The following NUP133 variants were observed in gnomAD, a reference collection of about 807,000 sequenced individuals.
The protein encoded by NUP133 is nucleoporin 133.
NUP133 carries 66 observed loss-of-function variants against 146.2 expected under a neutral mutation model. The observed-to-expected ratio is 0.45, with a 90% CI of 0.37 to 0.55. NUP133 has a LOEUF of 0.55. NUP133 is among the 20% of genes least tolerant of loss of function. The pLI is 0.00. For missense variants in NUP133, 1,277 were observed against 1,374.8 expected, an observed-to-expected ratio of 0.93 and a Z score of 1.12; for synonymous variants, 521 against 498.8, an observed-to-expected ratio of 1.04 and a Z score of -0.59.
chr1:229,470,756 T>C lies in NUP133; in HGVS notation c.1900A>G (p.Met634Val). Residue 634 changes from methionine to valine, a missense_variant, in exon 15 of 26, where the codon ATG becomes GTG. Transcript: ENST00000261396. Reference sequence around the variant, plus strand: ...TCACAGAGCAACAGTCGAGTGGCCATCGGTGTCCCTCTAACTGGAAAACTG... The same window carrying C: ...TCACAGAGCAACAGTCGAGTGGCCACCGGTGTCCCTCTAACTGGAAAACTG... ...LGSFPVRGTP[M>V]ATRLLLCEHA... The C allele has an allele frequency of 1.2e-6, 2 of 1,614,172 alleles. No individual in the cohort carries two copies. The highest frequency in any genetic ancestry group is 1.7e-6 in the Non-Finnish European group (2 of 1,180,036).
chr1:229,497,183 C>T (rs1047535332), intron 6 of NUP133, among the ~76,000 whole-genome samples: 2 of 152,002 alleles, frequency 1.3e-5, no homozygotes, highest in Non-Finnish European at 2.9e-5. Context: ...GGCATAACAT[C>T]AAAAGCAGAA....
intron 25 of NUP133, among the ~76,000 whole-genome samples, chr1:229,442,455 G>A (rs1660204893): frequency 3.3e-5 from 5 of 152,098 alleles, no homozygotes; most frequent in Admixed American, 3.3e-4. Context: ...AATTAGATAG[G>A]CAAAAGAATC....
intron 23 of NUP133, among the ~76,000 whole-genome samples, chr1:229,450,026 C>T (rs528519687): frequency 1.3e-3 from 201 of 149,230 alleles, no homozygotes; most frequent in African/African-American, 4.4e-3. Context: ...TACAGGCGTG[C>T]GCCACCATAC....
intron 14 of NUP133, among the ~76,000 whole-genome samples, 183 bp downstream of exon 14, chr1:229,475,455 T>A (rs1004599083): frequency 6.6e-6 from 1 of 152,224 alleles, no homozygotes; most frequent in Non-Finnish European, 1.5e-5. Flanking sequence ...CTGCTTCTTA[T>A]ACCTGGATTA....
chr1:229,459,676 T>A (rs1255402181), intron 20 of NUP133, among the ~76,000 whole-genome samples: 1 of 152,220 alleles, frequency 6.6e-6, no homozygotes, highest in Admixed American at 6.5e-5. Flanking sequence ...ATCAATGCTG[T>A]TGCAAATGAG....
intron 11 of NUP133, 71 bp from the exon 12 acceptor site, chr1:229,484,216 C>A: frequency 1.9e-6 from 2 of 1,077,786 alleles, no homozygotes; most frequent in Non-Finnish European, 2.8e-6. Flanking sequence ...CTAAAAACTG[C>A]ACCCATCCTA....
chr1:229,445,338 G>A (rs540613520), intron 24 of NUP133, among the ~76,000 whole-genome samples: 1 of 152,270 alleles, frequency 6.6e-6, no homozygotes, highest in South Asian at 2.1e-4. Flanking sequence ...TCTTTCTGAA[G>A]AAAATTCTAT....
intron 14 of NUP133, 21 bp from the exon 15 acceptor site, chr1:229,470,825 T>C (rs1201656250): frequency 5.0e-6 from 8 of 1,603,738 alleles, no homozygotes; most frequent in Non-Finnish European, 6.8e-6. Flanking sequence ...GGCAAACACA[T>C]ATTCTCAGAA....
intron 13 of NUP133, 48 bp downstream of exon 13, chr1:229,477,549 A>G: frequency 6.8e-7 from 1 of 1,469,442 alleles, no homozygotes; most frequent in Non-Finnish European, 9.2e-7. Flanking sequence ...TAATAAAGAA[A>G]CCAGAATATG....
intron 2 of NUP133, 77 bp downstream of exon 2, chr1:229,505,963 C>T (rs1316085170): frequency 1.2e-6 from 1 of 833,614 alleles, no homozygotes; most frequent in Non-Finnish European, 2.0e-6. Context: ...CTAGAGAAAA[C>T]ATAAATTTAA....
At chr1:229,466,225 C>G (rs978260093) in intron 16 of NUP133, among the ~76,000 whole-genome samples, 3 of 152,030 alleles carry the variant, frequency 2.0e-5, no homozygotes, top group Admixed American at 2.0e-4. Context: ...AATCCCAACA[C>G]TCTTGGAGGT....
At chr1:229,459,518 T>C (rs1660646372) in intron 20 of NUP133, among the ~76,000 whole-genome samples, 1 of 152,186 alleles carries the variant, frequency 6.6e-6, no homozygotes, top group Admixed American at 6.6e-5. Context: ...TGTATGTGTG[T>C]ACCTGTGTGT....
Position 229,450,716 on chromosome 1 carries a change from T to G in NUP133, c.3100-111A>C, listed in dbSNP as rs1337630141. 1.2e-5 allele frequency: 5 copies of G among 425,036 alleles called. No homozygotes were observed. In the Admixed American group the frequency reaches 2.6e-4, roughly 22 times the overall value. 26.3% of individuals were successfully genotyped at this position (425,036 alleles called of 1,614,324 possible). A position where few individuals can be genotyped will look rare whatever the true frequency, so the allele number is the denominator to read the frequency against. On this transcript the variant is annotated intron_variant, in intron 22 of 25. Transcript: ENST00000261396. ...CTTGTAAGGAAGTTGTAGTTTGTTTTTTGTTTGTTTGTTTGTTTGTTTTTT... is the reference window on the plus strand; with the variant it reads ...CTTGTAAGGAAGTTGTAGTTTGTTTGTTGTTTGTTTGTTTGTTTGTTTTTT...
rs1661644606 is a variant in NUP133, at chr1:229,495,935, T to C, written c.932A>G (p.Asp311Gly). 3 of 1,610,552 alleles carry C rather than the reference T, an allele frequency of 1.9e-6. No homozygotes were observed. Among genetic ancestry groups the C allele is most frequent in the East Asian group, 4.5e-5 (2 of 44,760 alleles). ...GTTTTCCTTCAGGGCTCTATTTATA[T>C]CCCAACTGTATGCATGCTTTTCTGA... is the stretch of plus-strand genomic sequence containing the variant. ...DSSEKHAYSW[D>G]INRALKENIT... Residue 311 changes from aspartate to glycine, a missense_variant, in exon 7 of 26, where the codon GAT (aspartate) becomes GGT (glycine). By Grantham distance (94) the Asp-to-Gly change is moderately conservative. Coordinates refer to ENST00000261396, the MANE Select transcript of NUP133 (RefSeq NM_018230.3).
chr1:229,481,536 G>A (rs778624205), intron 12 of NUP133, among the ~76,000 whole-genome samples: 6 of 151,856 alleles, frequency 4.0e-5, no homozygotes, highest in East Asian at 1.9e-4. Context: ...GTGAAACCTC[G>A]TCTCTATTAA....
At chr1:229,499,127 T>C in intron 5 of NUP133, 3 of 463,496 alleles carry the variant, frequency 6.5e-6, no homozygotes, top group Middle Eastern at 6.5e-4. Flanking sequence ...CTTGAACTCC[T>C]GGCCTCAGGC....
intron 3 of NUP133, 26 bp from the exon 4 acceptor site, chr1:229,500,889 T>A (rs1661783818): frequency 6.9e-7 from 1 of 1,440,760 alleles, no homozygotes; most frequent in Admixed American, 1.8e-5. Context: ...AAACAGAAAA[T>A]CTTTCACATC....
chr1:229,495,833 C>G, intron 7 of NUP133, 59 bp downstream of exon 7: 3 of 1,351,416 alleles, frequency 2.2e-6, no homozygotes, highest in African/African-American at 1.5e-5. Context: ...ATTAAGGGAA[C>G]CAGCATTATC....
intron 8 of NUP133, among the ~76,000 whole-genome samples, chr1:229,494,518 A>G (rs1359089511): frequency 2.0e-5 from 3 of 152,194 alleles, no homozygotes; most frequent in Non-Finnish European, 4.4e-5. Flanking sequence ...TTGTCATCTG[A>G]AGGATTACTA....
Sources: allele counts gnomAD v4.1 joint callset (sites outside exome capture counted in the v4.1 genomes callset), GRCh38; gene constraint gnomAD v4.1.1; transcripts MANE v1.5; gene names NCBI Gene and HGNC (gene_info 2026-07-23, HGNC 2026-07-21).